The following RALY variants were observed in gnomAD, a reference collection of about 807,000 sequenced individuals.
The protein encoded by RALY is RALY heterogeneous nuclear ribonucleoprotein, also known as RNA-binding protein Raly.
Under a neutral mutation model 30.7 loss-of-function variants are expected in RALY, and 15 were observed. The ratio of observed to expected loss-of-function variants is 0.49; its 90% CI spans 0.33 to 0.75. The LOEUF (loss-of-function observed/expected upper bound fraction) is 0.75, where lower values mean the gene tolerates loss of function less well. RALY is among the 30% of genes least tolerant of loss of function. The probability of loss-of-function intolerance (pLI) is 0.02; values close to 1 mark genes in which losing one functional copy is unlikely to be tolerated. For missense variants in RALY, 339 were observed against 414.3 expected (o/e 0.82, Z 1.58); for synonymous variants, 177 against 170.8 (o/e 1.04, Z -0.28).
rs62212008 is a variant in RALY at position 34,002,804 on chromosome 20, G to A, written c.-93+8673G>A. Among the ~76,000 whole-genome samples the A allele has an allele frequency of 7.1e-3, 1,079 of 152,272 alleles. 7 individuals are homozygous for A. The highest frequency in any genetic ancestry group is 0.014 in the Middle Eastern group (4 of 294). On this transcript the variant is annotated intron_variant, in intron 1 of 9. Coordinates refer to ENST00000246194, the MANE Select transcript of RALY (RefSeq NM_016732.3). ...ACAGTTCTCTGGCTGGCTTCAGGAA[G>A]ATTTGGTATTGTCTCGCTTCTTATG...
At chr20:34,004,130 A>G (rs185007823) in intron 1 of RALY, among the ~76,000 whole-genome samples, 199 of 152,360 alleles carry the variant, frequency 1.3e-3, no homozygotes, top group African/African-American at 4.6e-3. Flanking sequence ...AAGGGGTACA[A>G]TGATTGGGAA....
rs567357969 is a variant in RALY, at chr20:34,082,166, T to C, written c.*2261T>C. 1.3e-5 allele frequency: 2 copies of C among 152,500 alleles called. No individual in the cohort carries two copies. Among genetic ancestry groups the C allele is most frequent in the African/African-American group, 4.8e-5 (2 of 41,602 alleles). The allele number at this position is 152,500 out of a possible 1,614,324, so 9.4% of individuals were successfully genotyped here. On this transcript the variant is annotated 3_prime_UTR_variant, in exon 10 of 10. Transcript: ENST00000246194. ...CAGTGGAACATACTTCACCCATCCA[T>C]GTACCCACATCTTTCCTTGCCCAGA...
chr20:34,003,915 A>G (rs922289176), intron 1 of RALY, among the ~76,000 whole-genome samples: 4 of 152,204 alleles, frequency 2.6e-5, no homozygotes, highest in African/African-American at 9.7e-5. Context: ...CTGGGATTAC[A>G]GGCGTGAGCC....
intron 1 of RALY, among the ~76,000 whole-genome samples, chr20:34,002,464 C>T (rs991666546): frequency 6.6e-6 from 1 of 152,170 alleles, no homozygotes; most frequent in African/African-American, 2.4e-5. Flanking sequence ...TACTTTCAGT[C>T]TTGAGAGGAA....
chr20:34,057,449 C>T (rs999204540), intron 2 of RALY, among the ~76,000 whole-genome samples: 42 of 152,200 alleles, frequency 2.8e-4, no homozygotes, highest in Non-Finnish European at 5.0e-4. Flanking sequence ...GGGCGGATCA[C>T]GAGGTCAGGA....
At chr20:33,999,907 T>A (rs778485567) in intron 1 of RALY, among the ~76,000 whole-genome samples, 5 of 152,062 alleles carry the variant, frequency 3.3e-5, no homozygotes, top group Non-Finnish European at 7.4e-5. Flanking sequence ...ACCCATAAGG[T>A]CCCTTCTAGC....
chr20:34,083,444 A>T lies in RALY; in HGVS notation c.*3539A>T, dbSNP rs374580613. The T allele has an allele frequency of 7.9e-5, 12 of 152,200 alleles. No homozygotes were observed. The highest frequency in any genetic ancestry group is 2.2e-4 in the African/African-American group (9 of 41,434). 9.4% of individuals were successfully genotyped at this position (152,200 alleles called of 1,614,324 possible). On this transcript the variant is annotated 3_prime_UTR_variant, in exon 10 of 10. Coordinates refer to ENST00000246194, the MANE Select transcript of RALY (RefSeq NM_016732.3). The stretch of plus-strand genomic sequence containing the variant: ...GCCCAGTATGCGAGTGCTCTTGAGG[A>T]TATTGCTATGACGTATCTTTTGGCC...
chr20:34,001,581 A>G (rs2030916298), intron 1 of RALY, among the ~76,000 whole-genome samples: 2 of 152,208 alleles, frequency 1.3e-5, no homozygotes, highest in Admixed American at 1.3e-4. Flanking sequence ...GATTTTAATA[A>G]GCTTAGTTAA....
chr20:34,068,855 C>G (rs2122268925), intron 2 of RALY, among the ~76,000 whole-genome samples: 1 of 152,296 alleles, frequency 6.6e-6, no homozygotes. Context: ...TTGCACACCC[C>G]CACAGATACC....
At chr20:34,058,622 G>A (rs1421071595) in intron 2 of RALY, among the ~76,000 whole-genome samples, 1 of 152,136 alleles carries the variant, frequency 6.6e-6, no homozygotes, top group Non-Finnish European at 1.5e-5. Flanking sequence ...TCTGACCTTA[G>A]GCATGTTCTC....
intron 1 of RALY, among the ~76,000 whole-genome samples, chr20:34,010,800 G>C (rs138332910): frequency 4.8e-4 from 73 of 152,226 alleles, no homozygotes; most frequent in African/African-American, 1.7e-3. Context: ...TCCTCTTATA[G>C]GTCTGGAGAG....
chr20:34,063,464 T>C (rs968193603), intron 2 of RALY, among the ~76,000 whole-genome samples: 25 of 152,224 alleles, frequency 1.6e-4, no homozygotes, highest in African/African-American at 6.0e-4. Context: ...AAGCTGTTTC[T>C]GAGTCTCAGT....
At chr20:34,051,041 G>A (rs2033061456) in intron 2 of RALY, among the ~76,000 whole-genome samples, 2 of 152,090 alleles carry the variant, frequency 1.3e-5, no homozygotes, top group Admixed American at 6.5e-5. Context: ...GGGATGACTG[G>A]GAACCTTGCA....
chr20:34,006,528 C>T (rs1360539510), intron 1 of RALY, among the ~76,000 whole-genome samples: 3 of 152,206 alleles, frequency 2.0e-5, no homozygotes, highest in Non-Finnish European at 4.4e-5. Context: ...CTTCAAGTCT[C>T]GTTTAATTTG....
intron 1 of RALY, among the ~76,000 whole-genome samples, chr20:34,028,322 T>C (rs1245753821): frequency 6.7e-6 from 1 of 150,056 alleles, no homozygotes; most frequent in Non-Finnish European, 1.5e-5. Context: ...ACTGACTAGG[T>C]CTCCATTCTT....
chr20:34,003,265 A>G (rs770421506), intron 1 of RALY, among the ~76,000 whole-genome samples: 2 of 152,192 alleles, frequency 1.3e-5, no homozygotes, highest in Admixed American at 6.5e-5. Context: ...CTCATCTGTG[A>G]AGTGGGGTTA....
intron 7 of RALY, 24 bp from the exon 8 acceptor site, chr20:34,077,004 C>A: frequency 1.9e-6 from 3 of 1,610,310 alleles, no homozygotes; most frequent in Non-Finnish European, 2.5e-6. Flanking sequence ...TTTATTCTCC[C>A]CTCCTCCACC....
At chr20:34,048,886 C>T (rs1315566090) in intron 2 of RALY, among the ~76,000 whole-genome samples, 2 of 150,974 alleles carry the variant, frequency 1.3e-5, no homozygotes, top group East Asian at 3.9e-4. Context: ...CTCTGCATCA[C>T]CTTTGGATTT....
At chr20:34,017,229 G>A (rs2031643679) in intron 1 of RALY, among the ~76,000 whole-genome samples, 1 of 142,320 alleles carries the variant, frequency 7.0e-6, no homozygotes, top group East Asian at 2.1e-4. Context: ...GCCTCATTGT[G>A]TTTATTTCTC....
Sources: allele counts gnomAD v4.1 joint callset (sites outside exome capture counted in the v4.1 genomes callset), GRCh38; gene constraint gnomAD v4.1.1; transcripts MANE v1.5; gene names NCBI Gene and HGNC (gene_info 2026-07-23, HGNC 2026-07-21).